The following ARK2N variants were observed in gnomAD, a reference collection of about 807,000 sequenced individuals.
ARK2N encodes arkadia (RNF111) N-terminal like PKA signaling regulator 2N.
chr18:46,251,010 C>T, the ARK2N span, among the ~76,000 whole-genome samples: 1 of 152,156 alleles, frequency 6.6e-6, no homozygotes, highest in African/African-American at 2.4e-5. Flanking sequence ...CTGCATATAT[C>T]GCAGGTTCAT....
chr18:46,236,685 TG>T, the ARK2N span, among the ~76,000 whole-genome samples: 1 of 152,200 alleles, frequency 6.6e-6, no homozygotes, highest in Non-Finnish European at 1.5e-5. Flanking sequence ...ATTACTTTGA[TG>T]TTTTTGAAAG....
the ARK2N span, among the ~76,000 whole-genome samples, chr18:46,248,573 TTTTGTTTG>T: frequency 2.6e-5 from 4 of 152,124 alleles, no homozygotes; most frequent in Non-Finnish European, 5.9e-5. Flanking sequence ...TACTCTTTAT[TTTTGTTTG>T]TTTGTTTGTT....
At chr18:46,178,830 G>A in the ARK2N span, among the ~76,000 whole-genome samples, 5 of 151,496 alleles carry the variant, frequency 3.3e-5, no homozygotes, top group Non-Finnish European at 5.9e-5. Flanking sequence ...GGGAGGAGCA[G>A]TTGAGCCCAG....
the ARK2N span, among the ~76,000 whole-genome samples, chr18:46,252,180 G>A: frequency 5.3e-4 from 79 of 148,912 alleles, 1 homozygote; most frequent in African/African-American, 1.8e-3. Context: ...GTAACAGAGC[G>A]AGACTCCATC....
the ARK2N span, among the ~76,000 whole-genome samples, chr18:46,226,137 C>A: frequency 6.6e-6 from 1 of 152,096 alleles, no homozygotes; most frequent in South Asian, 2.1e-4. Flanking sequence ...ATTTAATAAT[C>A]TAATTTGTTG....
the ARK2N span, among the ~76,000 whole-genome samples, chr18:46,226,953 G>A: frequency 2.6e-5 from 4 of 151,820 alleles, no homozygotes; most frequent in Admixed American, 6.6e-5. Context: ...GATTGCAGGC[G>A]CCTGCCACCA....
At chr18:46,242,263 A>G in the ARK2N span, among the ~76,000 whole-genome samples, 4 of 152,176 alleles carry the variant, frequency 2.6e-5, no homozygotes, top group Non-Finnish European at 5.9e-5. Flanking sequence ...ATGAATGATT[A>G]CCAACGTTTT....
the ARK2N span, among the ~76,000 whole-genome samples, chr18:46,257,677 T>C: frequency 6.6e-6 from 1 of 151,708 alleles, no homozygotes; most frequent in Admixed American, 6.6e-5. Flanking sequence ...TTTTTTTTTT[T>C]GTCGTTGGTC....
At chr18:46,181,173 T>C in the ARK2N span, among the ~76,000 whole-genome samples, 1 of 151,696 alleles carries the variant, frequency 6.6e-6, no homozygotes, top group Admixed American at 6.6e-5. Context: ...GGCAGGAGAA[T>C]TGCTTGAATC....
chr18:46,246,769 C>G, the ARK2N span, among the ~76,000 whole-genome samples: 7 of 143,568 alleles, frequency 4.9e-5, 1 homozygote, highest in Non-Finnish European at 1.1e-4. Flanking sequence ...ATGGCCAAAC[C>G]CCGTCTCTAC....
chr18:46,231,601 A>T, the ARK2N span, among the ~76,000 whole-genome samples: 4 of 143,864 alleles, frequency 2.8e-5, no homozygotes, highest in Non-Finnish European at 6.0e-5. Context: ...AAATCTCACT[A>T]GCAGACCGAA....
At chr18:46,195,559 C>CTTTTTTT in the ARK2N span, among the ~76,000 whole-genome samples, 47 of 72,684 alleles carry the variant, frequency 6.5e-4, 3 homozygotes, top group African/African-American at 2.7e-3. Context: ...CCCACATAAA[C>CTTTTTTT]TTTTTTTTTT....
the ARK2N span, among the ~76,000 whole-genome samples, chr18:46,188,365 C>A: frequency 1.3e-5 from 2 of 152,066 alleles, no homozygotes; most frequent in South Asian, 4.1e-4. Context: ...TACACCCGGC[C>A]AATTTTTGTT....
chr18:46,260,421 T>G, the ARK2N span, among the ~76,000 whole-genome samples: 2 of 152,164 alleles, frequency 1.3e-5, no homozygotes, highest in Non-Finnish European at 2.9e-5. Flanking sequence ...GTAGGAGAAA[T>G]AGAGAGGGTT....
At chr18:46,242,694 CTA>C in the ARK2N span, among the ~76,000 whole-genome samples, 1 of 152,040 alleles carries the variant, frequency 6.6e-6, no homozygotes, top group African/African-American at 2.4e-5. Context: ...GTTTTTAAAA[CTA>C]ATTGGTATCA....
the ARK2N span, among the ~76,000 whole-genome samples, chr18:46,230,831 A>G: frequency 1.3e-5 from 2 of 152,200 alleles, no homozygotes; most frequent in Non-Finnish European, 2.9e-5. Context: ...TGGTTGTTAC[A>G]TGTTGATACT....
chr18:46,245,728 A>G, the ARK2N span, among the ~76,000 whole-genome samples: 2 of 152,078 alleles, frequency 1.3e-5, 1 homozygote, highest in South Asian at 4.1e-4. Flanking sequence ...TGTGTTGCAA[A>G]GCTCAGGCCT....
chr18:46,240,519 TTC>T, the ARK2N span, among the ~76,000 whole-genome samples: 1,417 of 152,342 alleles, frequency 9.3e-3, 26 homozygotes, highest in African/African-American at 0.031. Context: ...GGCCAGTTCT[TTC>T]TCTCACTTTA....
chr18:46,184,409 A>G, the ARK2N span, among the ~76,000 whole-genome samples: 5 of 151,986 alleles, frequency 3.3e-5, no homozygotes, highest in African/African-American at 9.7e-5. Flanking sequence ...GGCGTGAGCT[A>G]CTGCGCCCGG....
Sources: allele counts gnomAD v4.1 joint callset (sites outside exome capture counted in the v4.1 genomes callset), GRCh38; gene constraint gnomAD v4.1.1; transcripts MANE v1.5; gene names NCBI Gene and HGNC (gene_info 2026-07-23, HGNC 2026-07-21).